UGT1A8: variants seen among roughly 807,000 people sequenced by gnomAD.
UGT1A8 encodes the protein UDP-glucuronosyltransferase 1A8.
Under a neutral mutation model 45.3 loss-of-function variants are expected in UGT1A8, and 39 were observed. The ratio of observed to expected loss-of-function variants is 0.86; its 90% CI spans 0.67 to 1.12. The LOEUF is 1.12. Ranked by LOEUF, UGT1A8 falls within the 50% of genes most tolerant of loss-of-function variation. The probability of loss-of-function intolerance (pLI) is 0.00; values close to 1 mark genes in which losing one functional copy is unlikely to be tolerated. For synonymous variants in UGT1A8, 275 were observed against 249.2 expected (o/e 1.10, Z -0.97); for missense variants, 719 against 664.9 (o/e 1.08, Z -0.90).
chr2:233,617,964 T>C lies in UGT1A8; in HGVS notation c.257T>C (p.Leu86Pro), dbSNP rs1165952378. 6.2e-6 allele frequency: 10 copies of C among 1,614,206 alleles called. No homozygotes were observed. The highest frequency in any genetic ancestry group is 8.5e-6 in the Non-Finnish European group (10 of 1,180,048). Residue 86 changes from leucine to proline, a missense_variant, in exon 1 of 5, where the codon CTG (leucine) becomes CCG (proline). Physicochemically the swap from Leu to Pro is moderately conservative, Grantham distance 98. Transcript: ENST00000373450. ...TYSTSYTLEDLDREFMDFADA... is the reference protein window; with the variant it reads ...TYSTSYTLEDPDREFMDFADA... The stretch of plus-strand genomic sequence containing the variant: ...TCAACCTCATACACTCTGGAGGATC[T>C]GGACCGGGAATTCATGGATTTCGCC...
Position 233,693,577 on chromosome 2 carries a change from C to T in UGT1A8, c.856-73457C>T, listed in dbSNP as rs1031278629. On this transcript the variant is annotated intron_variant, in intron 1 of 4. Coordinates refer to ENST00000373450, the MANE Select transcript of UGT1A8 (RefSeq NM_019076.5). ...GCAGAAGCCCAGACCCTGTGTCCTACATTCCCAGGTGCTACACAAAGTTTT... is the reference window on the plus strand; with the variant it reads ...GCAGAAGCCCAGACCCTGTGTCCTATATTCCCAGGTGCTACACAAAGTTTT... 4 of 1,614,118 alleles carry T rather than the reference C, an allele frequency of 2.5e-6. No homozygotes were observed. In the African/African-American group the frequency reaches 5.3e-5, roughly 22 times the overall value.
intron 1 of UGT1A8, among the ~76,000 whole-genome samples, chr2:233,765,063 G>T (rs1333981989): frequency 6.6e-6 from 1 of 152,054 alleles, no homozygotes; most frequent in African/African-American, 2.4e-5. Context: ...CCCTGTCAGA[G>T]GTCTCCTGTG....
chr2:233,740,668 G>A (rs1267064015), intron 1 of UGT1A8: 1 of 151,782 alleles, frequency 6.6e-6, no homozygotes, highest in Non-Finnish European at 1.5e-5. Context: ...GAAGGTACAG[G>A]TGTTTCCATG....
chr2:233,698,796 G>A (rs896772598), intron 1 of UGT1A8, among the ~76,000 whole-genome samples: 75 of 152,280 alleles, frequency 4.9e-4, no homozygotes, highest in African/African-American at 1.7e-3. Context: ...GTAACCTCTG[G>A]GCTCCCAGCC....
intron 1 of UGT1A8, among the ~76,000 whole-genome samples, chr2:233,638,039 C>A (rs761375568): frequency 6.6e-5 from 10 of 152,128 alleles, no homozygotes; most frequent in Non-Finnish European, 1.3e-4. Context: ...TCAATACTTT[C>A]CTTGCGTGAA....
At chr2:233,741,204 T>C (rs1691587952) in intron 1 of UGT1A8, among the ~76,000 whole-genome samples, 1 of 151,922 alleles carries the variant, frequency 6.6e-6, no homozygotes, top group Admixed American at 6.5e-5. Flanking sequence ...CTGTTAAAAC[T>C]AGCCAGAGTT....
At chr2:233,712,288 C>G (rs147382536) in intron 1 of UGT1A8, among the ~76,000 whole-genome samples, 1 of 152,350 alleles carries the variant, frequency 6.6e-6, no homozygotes, top group African/African-American at 2.4e-5. Flanking sequence ...ACCTCTTCTT[C>G]CATGGTGTAG....
At chr2:233,756,421 TG>T (rs1436391565) in intron 1 of UGT1A8, 1 of 152,148 alleles carries the variant, frequency 6.6e-6, no homozygotes, top group African/African-American at 2.4e-5. Flanking sequence ...TTATTTGTAC[TG>T]TTTTTTTTTC....
rs531394482 is a variant in UGT1A8, at chr2:233,653,154, G to A, written c.855+34592G>A. On this transcript the variant is annotated intron_variant, in intron 1 of 4. Coordinates refer to ENST00000373450, the MANE Select transcript of UGT1A8 (RefSeq NM_019076.5). The stretch of plus-strand genomic sequence containing the variant: ...AATGTTAAGAGCCTGAGAGATCAAC[G>A]TCCTACAAATGTAATTCCAGAAAAA... Among the ~76,000 whole-genome samples, 406 of 152,266 alleles carry A rather than the reference G, an allele frequency of 2.7e-3. 6 individuals are homozygous for A. Among genetic ancestry groups the A allele is most frequent in the African/African-American group, 9.1e-3 (377 of 41,538 alleles).
chr2:233,752,822 A>T (rs1200323713), intron 1 of UGT1A8, among the ~76,000 whole-genome samples: 1 of 152,248 alleles, frequency 6.6e-6, no homozygotes, highest in East Asian at 1.9e-4. Flanking sequence ...CCCATTTATG[A>T]CATCAGTAAT....
intron 1 of UGT1A8, among the ~76,000 whole-genome samples, chr2:233,665,842 C>G: frequency 6.6e-6 from 1 of 152,044 alleles, no homozygotes; most frequent in East Asian, 1.9e-4. Context: ...GTATGGTTAC[C>G]TTTTTAAGAA....
intron 1 of UGT1A8, among the ~76,000 whole-genome samples, chr2:233,622,274 T>C (rs1263116979): frequency 6.6e-6 from 1 of 152,198 alleles, no homozygotes; most frequent in Non-Finnish European, 1.5e-5. Context: ...TCAAATGGTA[T>C]TTCTAGTTCT....
chr2:233,702,281 T>C (rs950915205), intron 1 of UGT1A8, among the ~76,000 whole-genome samples: 3 of 152,228 alleles, frequency 2.0e-5, no homozygotes, highest in African/African-American at 7.2e-5. Context: ...TTTTTCCCTT[T>C]AGCATAAAGA....
chr2:233,712,949 A>C, intron 1 of UGT1A8: 1 of 1,612,750 alleles, frequency 6.2e-7, no homozygotes. Flanking sequence ...TCTAGGAGGC[A>C]CAACGTGGGG....
At chr2:233,751,023 A>T (rs193102367) in intron 1 of UGT1A8, among the ~76,000 whole-genome samples, 1 of 151,978 alleles carries the variant, frequency 6.6e-6, no homozygotes, top group East Asian at 1.9e-4. Flanking sequence ...TAGTAGATCC[A>T]ATAGCTTGCA....
At position 233,648,284 on chromosome 2, in the gene UGT1A8, A is replaced by T. The variant is rs368230203; in HGVS notation, c.855+29722A>T. 1.5e-5 allele frequency: 9 copies of T among 610,146 alleles called. No individual in the cohort carries two copies. The East Asian group carries it at 3.1e-4, about 21-fold the overall frequency. The allele number at this position is 610,146 out of a possible 1,614,324, so 37.8% of individuals were successfully genotyped here. A position where few individuals can be genotyped will look rare whatever the true frequency, so the allele number is the denominator to read the frequency against. On this transcript the variant is annotated intron_variant, in intron 1 of 4. Transcript: ENST00000373450. ...GATGCGGTGTTTCTGGATCCTTTAG[A>T]TATGTGTGGCTTAATTGTTGCCAAA...
At chr2:233,762,169 G>A (rs1019594932) in intron 1 of UGT1A8, among the ~76,000 whole-genome samples, 34 of 152,020 alleles carry the variant, frequency 2.2e-4, no homozygotes, top group Non-Finnish European at 2.4e-4. Flanking sequence ...CACTGTATGC[G>A]GCGTCCTCAA....
intron 1 of UGT1A8, among the ~76,000 whole-genome samples, chr2:233,642,765 T>C (rs1167584116): frequency 6.6e-6 from 1 of 152,252 alleles, no homozygotes; most frequent in African/African-American, 2.4e-5. Context: ...TCTTGCAGAC[T>C]TGTAGATGTA....
intron 1 of UGT1A8, among the ~76,000 whole-genome samples, chr2:233,740,328 TGAGA>T (rs1691367095): frequency 6.6e-6 from 1 of 151,900 alleles, no homozygotes; most frequent in Non-Finnish European, 1.5e-5. Flanking sequence ...CTGCATTTAT[TGAGA>T]AAGTTGATGA....
Sources: allele counts gnomAD v4.1 joint callset (sites outside exome capture counted in the v4.1 genomes callset), GRCh38; gene constraint gnomAD v4.1.1; transcripts MANE v1.5; gene names NCBI Gene and HGNC (gene_info 2026-07-23, HGNC 2026-07-21).